Variants in RERE observed in about 807,000 individuals in gnomAD.
The protein encoded by RERE is arginine-glutamic acid dipeptide repeats, also known as arginine-glutamic acid dipeptide repeats protein.
A neutral mutation model predicts 146.1 loss-of-function variants in RERE; 40 were observed. The ratio of observed to expected loss-of-function variants is 0.27; its 90% CI spans 0.21 to 0.36. The LOEUF (loss-of-function observed/expected upper bound fraction) is 0.36, where lower values mean the gene tolerates loss of function less well. Among genes scored for constraint, RERE ranks in the 10% least tolerant of loss-of-function variants. RERE has a pLI of 1.00. For missense variants in RERE, 1,933 were observed against 2,138.7 expected (o/e 0.90, Z 1.90); for synonymous variants, 1,003 against 866.0 (o/e 1.16, Z -2.78).
rs569012593 is a variant in RERE at position 8,693,039 on chromosome 1, GAAAA to G, written c.-144-36602_-144-36599del. ...TGGCATCGGAAATGAGCAGTTATAT[GAAAA>G]AAAAAATTTAATAACTAAGAAGGGC... On this transcript the variant is annotated intron_variant, in intron 1 of 22. Coordinates refer to ENST00000400908, the MANE Select transcript of RERE (RefSeq NM_001042681.2). 5.3e-5 allele frequency among the ~76,000 whole-genome samples: 8 copies of G among 150,492 alleles called. 1 individual carries two copies. The highest frequency in any genetic ancestry group is 1.9e-4 in the African/African-American group (8 of 41,056).
At chr1:8,496,369 C>G (rs1645045872) in intron 9 of RERE, among the ~76,000 whole-genome samples, 2 of 151,900 alleles carry the variant, frequency 1.3e-5, no homozygotes, top group Admixed American at 1.3e-4. Flanking sequence ...CCTAGCTACT[C>G]AGGAGGCTGA....
At chr1:8,556,806 A>C (rs1434994034) in intron 5 of RERE, among the ~76,000 whole-genome samples, 1 of 152,122 alleles carries the variant, frequency 6.6e-6, no homozygotes, top group Non-Finnish European at 1.5e-5. Flanking sequence ...CCTTAGTAAG[A>C]CCCTATATTT....
At chr1:8,424,027 G>T (rs941591121) in intron 11 of RERE, 1 of 152,158 alleles carries the variant, frequency 6.6e-6, no homozygotes, top group Non-Finnish European at 1.5e-5. Context: ...CAGCAAGCGT[G>T]GGGAGAGGGC....
Position 8,465,662 on chromosome 1 carries a change from T to TCCTAAAA in RERE, c.1203+262_1203+263insTTTTAGG. On this transcript the variant is annotated intron_variant, in intron 11 of 22. Transcript: ENST00000400908. ...AAAACAAGTTCAAATTAACTTTTTT[T>TCCTAAAA]AGGAGTAACTATCAATTTCTCCTTT... 3 of 548,334 alleles carry TCCTAAAA rather than the reference T, an allele frequency of 5.5e-6. 1 individual carries two copies. Among genetic ancestry groups the TCCTAAAA allele is most frequent in the South Asian group, 4.9e-5 (3 of 61,768 alleles). 34.0% of individuals were successfully genotyped at this position (548,334 alleles called of 1,614,324 possible).
chr1:8,747,924 G>A (rs997862715), intron 1 of RERE, among the ~76,000 whole-genome samples: 2 of 151,936 alleles, frequency 1.3e-5, no homozygotes, highest in African/African-American at 4.8e-5. Context: ...ACAGGTGCAT[G>A]CCACCACACC....
intron 1 of RERE, among the ~76,000 whole-genome samples, chr1:8,710,283 G>A (rs1296737090): frequency 4.6e-5 from 7 of 152,156 alleles, no homozygotes; most frequent in South Asian, 4.1e-4. Context: ...TGCAATCTAC[G>A]TAATATACTC....
intron 1 of RERE, among the ~76,000 whole-genome samples, chr1:8,732,808 CTTTTTT>C (rs59337140): frequency 1.2e-4 from 8 of 65,730 alleles, no homozygotes; most frequent in Admixed American, 2.7e-4. Context: ...TTCAATTTTT[CTTTTTT>C]TTTTTTTTTT....
intron 2 of RERE, among the ~76,000 whole-genome samples, chr1:8,642,056 A>G (rs557719928): frequency 6.6e-6 from 1 of 152,342 alleles, no homozygotes; most frequent in South Asian, 2.1e-4. Context: ...TTGGGGGTCA[A>G]AAAATCAGGA....
At chr1:8,646,659 C>T (rs1479181761) in intron 2 of RERE, among the ~76,000 whole-genome samples, 1 of 152,030 alleles carries the variant, frequency 6.6e-6, no homozygotes, top group African/African-American at 2.4e-5. Context: ...TAAGGTGAGC[C>T]CTAATCCAAT....
At chr1:8,463,595 G>A (rs1283478961) in intron 11 of RERE, among the ~76,000 whole-genome samples, 2 of 152,224 alleles carry the variant, frequency 1.3e-5, no homozygotes, top group African/African-American at 4.8e-5. Context: ...GACTTTGGCT[G>A]TGTATTTTTA....
chr1:8,496,745 T>C (rs1175785879), intron 9 of RERE, among the ~76,000 whole-genome samples: 2 of 152,198 alleles, frequency 1.3e-5, no homozygotes, highest in African/African-American at 2.4e-5. Flanking sequence ...GTATGTTCTA[T>C]GCAACTGCCA....
At chr1:8,504,257 T>C (rs913437331) in intron 8 of RERE, among the ~76,000 whole-genome samples, 1 of 151,924 alleles carries the variant, frequency 6.6e-6, no homozygotes, top group African/African-American at 2.4e-5. Context: ...GGGAAGACAA[T>C]GTATAAGGTG....
At chr1:8,558,645 A>C (rs1646035144) in intron 4 of RERE, among the ~76,000 whole-genome samples, 1 of 152,186 alleles carries the variant, frequency 6.6e-6, no homozygotes, top group African/African-American at 2.4e-5. Flanking sequence ...AGCAAGTCAC[A>C]AATATAGCCA....
intron 10 of RERE, among the ~76,000 whole-genome samples, chr1:8,486,129 C>T (rs1413454790): frequency 6.6e-6 from 1 of 152,122 alleles, no homozygotes; most frequent in African/African-American, 2.4e-5. Context: ...TCATACATGT[C>T]TCTCAGTAAC....
chr1:8,796,626 G>C (rs1641479690), intron 1 of RERE: 2 of 151,666 alleles, frequency 1.3e-5, no homozygotes, highest in African/African-American at 4.8e-5. Context: ...TAAGGAGTTT[G>C]ATCTGTAACC....
chr1:8,457,949 T>C (rs1464788470), intron 11 of RERE, among the ~76,000 whole-genome samples: 2 of 152,042 alleles, frequency 1.3e-5, no homozygotes, highest in Non-Finnish European at 2.9e-5. Context: ...AGAGAGGAGG[T>C]AGCTTTAAAT....
At chr1:8,595,630 G>C (rs1007412214) in intron 4 of RERE, among the ~76,000 whole-genome samples, 1 of 151,998 alleles carries the variant, frequency 6.6e-6, no homozygotes, top group African/African-American at 2.4e-5. Flanking sequence ...GAAAAAGCAT[G>C]TTTAAGCAAT....
intron 12 of RERE, among the ~76,000 whole-genome samples, chr1:8,401,655 G>A (rs11809850): frequency 0.011 from 1,743 of 151,830 alleles, 43 homozygotes; most frequent in African/African-American, 0.04. Context: ...AGCTACTCGG[G>A]AGGCTGAGGT....
intron 1 of RERE, among the ~76,000 whole-genome samples, chr1:8,670,265 C>T (rs543260113): frequency 2.0e-5 from 3 of 152,312 alleles, no homozygotes; most frequent in African/African-American, 7.2e-5. Flanking sequence ...CAGGAGAAGT[C>T]CCAGGACCTA....
Sources: gnomAD v4.1 joint callset for allele counts (sites outside exome capture counted in the v4.1 genomes callset) on GRCh38, gnomAD v4.1.1 for gene constraint, MANE v1.5 for transcripts, NCBI Gene and HGNC (gene_info 2026-07-23, HGNC 2026-07-21) for gene names.